The following GCFC2 variants were observed in gnomAD, a reference collection of about 807,000 sequenced individuals.
GCFC2 encodes the protein intron Large complex component GCFC2.
In GCFC2, 102 loss-of-function variants were observed where a neutral mutation model predicts 99.4. The ratio of observed to expected loss-of-function variants is 1.03; its 90% confidence interval spans 0.87 to 1.21. The LOEUF (loss-of-function observed/expected upper bound fraction) is 1.21. Ranked by LOEUF, GCFC2 falls within the 50% of genes most tolerant of loss-of-function variation. The pLI is 0.00. For missense variants in GCFC2, 973 were observed against 920.9 expected, an observed-to-expected ratio of 1.06 and a Z score of -0.73; for synonymous variants, 338 against 316.8, an observed-to-expected ratio of 1.07 and a Z score of -0.71.
chr2:75,706,116 T>C (rs1327976872), intron 2 of GCFC2, among the ~76,000 whole-genome samples: 3 of 152,202 alleles, frequency 2.0e-5, no homozygotes, highest in Non-Finnish European at 2.9e-5. Context: ...TTCTTTTCCT[T>C]AAACTCGCAA....
At chr2:75,713,021 C>G (rs75800369), upstream of GCFC2, among the ~76,000 whole-genome samples, 268 of 152,260 alleles carry the variant, frequency 1.8e-3, 1 homozygote, top group African/African-American at 6.1e-3. Flanking sequence ...CCAAAGGAAT[C>G]GAGAAGAGGC....
At chr2:75,689,830 A>G (rs1466585908) in intron 9 of GCFC2, 139 bp downstream of exon 9, 1 of 587,162 alleles carries the variant, frequency 1.7e-6, no homozygotes, top group African/African-American at 2.0e-5. Context: ...AGTCTTACAG[A>G]GGAAAAATGT....
intron 14 of GCFC2, 101 bp from the exon 15 acceptor site, chr2:75,670,385 C>T: frequency 1.4e-6 from 1 of 733,158 alleles, no homozygotes; most frequent in Non-Finnish European, 2.3e-6. Flanking sequence ...ATTCTCACTA[C>T]AATTAGCCCT....
chr2:75,697,423 T>G (rs962395996), intron 4 of GCFC2, among the ~76,000 whole-genome samples: 1 of 152,210 alleles, frequency 6.6e-6, no homozygotes, highest in Non-Finnish European at 1.5e-5. Flanking sequence ...CAATAACCCA[T>G]TCAAATATCA....
At chr2:75,705,391 A>G (rs1558754930) in intron 2 of GCFC2, among the ~76,000 whole-genome samples, 2 of 151,902 alleles carry the variant, frequency 1.3e-5, no homozygotes, top group Non-Finnish European at 2.9e-5. Context: ...TGAGAGTCCG[A>G]GGTGGGCAGA....
intron 10 of GCFC2, among the ~76,000 whole-genome samples, 186 bp downstream of exon 10, chr2:75,688,839 TA>T (rs1173256139): frequency 6.6e-6 from 1 of 152,136 alleles, no homozygotes; most frequent in Non-Finnish European, 1.5e-5. Context: ...ATGCTTAGCC[TA>T]AAAATCAAGT....
chr2:75,702,545 T>C (rs1327158780), intron 2 of GCFC2, 122 bp from the exon 3 acceptor site: 2 of 713,142 alleles, frequency 2.8e-6, no homozygotes, highest in Non-Finnish European at 4.6e-6. Context: ...GATATATGAA[T>C]GTGACTTTAA....
chr2:75,664,834 C>CAGCG lies in GCFC2; in HGVS notation c.2229-55_2229-52dup, dbSNP rs1461953974. On this transcript the variant is annotated intron_variant, in intron 16 of 16. Coordinates refer to ENST00000321027, the MANE Select transcript of GCFC2 (RefSeq NM_003203.5). ...TTTAAAAATGCAATGTATGAGGGAA[C>CAGCG]AGCGGTCAATTCAGAACCTGATCAT... The CAGCG allele has an allele frequency of 3.6e-6, 3 of 834,150 alleles. No homozygotes were observed. The African/African-American group carries it at 5.0e-5, about 14-fold the overall frequency. 51.7% of individuals were successfully genotyped at this position (834,150 alleles called of 1,614,324 possible). A position where few individuals can be genotyped will look rare whatever the true frequency, so the allele number is the denominator to read the frequency against.
chr2:75,702,366 C>CT lies in GCFC2; in HGVS notation c.451dup (p.Arg151LysfsTer5), dbSNP rs1415223988. On this transcript the variant is annotated frameshift_variant, in exon 3 of 17. Coordinates refer to ENST00000321027, the MANE Select transcript of GCFC2 (RefSeq NM_003203.5). LOFTEE classifies it high-confidence loss of function. ...CAAAGAAATATAGTCATCTTGGGCCCTGGCCAATTCACGTTTTCTGCGGGC... is the reference window on the plus strand; with the variant it reads ...CAAAGAAATATAGTCATCTTGGGCCCTTGGCCAATTCACGTTTTCTGCGGGC... 2.5e-6 allele frequency: 4 copies of CT among 1,611,932 alleles called. No homozygotes were observed. The highest frequency in any genetic ancestry group is 3.4e-6 in the Non-Finnish European group (4 of 1,178,034).
At chr2:75,684,155 C>A (rs1456160360) in intron 11 of GCFC2, among the ~76,000 whole-genome samples, 1 of 152,156 alleles carries the variant, frequency 6.6e-6, no homozygotes, top group Non-Finnish European at 1.5e-5. Context: ...GAACTCTCCA[C>A]CCCAAATCGA....
intron 12 of GCFC2, among the ~76,000 whole-genome samples, chr2:75,679,407 A>G (rs1679475049): frequency 6.6e-6 from 1 of 152,212 alleles, no homozygotes; most frequent in East Asian, 1.9e-4. Flanking sequence ...ATAAAACTGC[A>G]TGAATCTACA....
At chr2:75,691,859 G>A (rs1408677510) in intron 7 of GCFC2, 118 bp downstream of exon 7, 4 of 400,070 alleles carry the variant, frequency 1.0e-5, no homozygotes, top group Non-Finnish European at 1.6e-5. Flanking sequence ...AAGTTGGTGG[G>A]TAAAGGGTTT....
At chr2:75,685,022 T>G (rs192997992) in intron 11 of GCFC2, among the ~76,000 whole-genome samples, 1 of 151,982 alleles carries the variant, frequency 6.6e-6, no homozygotes, top group Non-Finnish European at 1.5e-5. Context: ...TGAGAACACA[T>G]GGACAGGGAG....
At chr2:75,688,462 C>CA (rs1679914973) in intron 10 of GCFC2, among the ~76,000 whole-genome samples, 1 of 151,640 alleles carries the variant, frequency 6.6e-6, no homozygotes. Flanking sequence ...GTTCATACTT[C>CA]TTTTTTTTTC....
At chr2:75,686,235 T>C (rs1203291691) in intron 11 of GCFC2, among the ~76,000 whole-genome samples, 1 of 152,168 alleles carries the variant, frequency 6.6e-6, no homozygotes, top group Non-Finnish European at 1.5e-5. Context: ...TGAAATAAAA[T>C]CTTGAAAGTT....
At chr2:75,693,586 A>G (rs1188954754) in intron 6 of GCFC2, among the ~76,000 whole-genome samples, 1 of 152,204 alleles carries the variant, frequency 6.6e-6, no homozygotes, top group Non-Finnish European at 1.5e-5. Flanking sequence ...CAAAAACTAA[A>G]AACAAAAATT....
chr2:75,685,331 T>C (rs996726783), intron 11 of GCFC2, among the ~76,000 whole-genome samples: 4 of 152,178 alleles, frequency 2.6e-5, no homozygotes, highest in Non-Finnish European at 5.9e-5. Context: ...AGTTTCTCTC[T>C]TCTCACTTGT....
At chr2:75,665,559 G>A (rs1312156739) in intron 16 of GCFC2, among the ~76,000 whole-genome samples, 3 of 152,170 alleles carry the variant, frequency 2.0e-5, no homozygotes, top group African/African-American at 7.2e-5. Flanking sequence ...AGAACAGAGA[G>A]CTAGCTACTG....
At position 75,666,952 on chromosome 2, in the gene GCFC2, G is replaced by A. The variant is rs189076240; in HGVS notation, c.2104-899C>T. 1.1e-3 allele frequency among the ~76,000 whole-genome samples: 172 copies of A among 152,244 alleles called. 1 individual carries two copies. Among genetic ancestry groups the A allele is most frequent in the Non-Finnish European group, 2.1e-3 (141 of 68,006 alleles). ...GTATATATTTAAAGCTCCGTGCTAC[G>A]TGTGGGATTGTAACTGCAAGTGGGA... On this transcript the variant is annotated intron_variant, in intron 15 of 16. Coordinates refer to ENST00000321027, the MANE Select transcript of GCFC2 (RefSeq NM_003203.5).
Sources: allele counts gnomAD v4.1 joint callset (sites outside exome capture counted in the v4.1 genomes callset), GRCh38; gene constraint gnomAD v4.1.1; transcripts MANE v1.5; gene names NCBI Gene and HGNC (gene_info 2026-07-23, HGNC 2026-07-21).